Variants in ADAMTS14 observed in about 807,000 individuals in gnomAD.
ADAMTS14 encodes the protein ADAM metallopeptidase with thrombospondin type 1 motif 14, also known as A disintegrin and metalloproteinase with thrombospondin motifs 14.
Under a neutral mutation model 128.6 loss-of-function variants are expected in ADAMTS14, and 100 were observed. That is an observed-to-expected ratio of 0.78 (90% CI 0.66 to 0.92). ADAMTS14 has a LOEUF of 0.92. Ranked by LOEUF, ADAMTS14 falls within the 40% of genes least tolerant of loss-of-function variation. The pLI, the probability that ADAMTS14 is intolerant of heterozygous loss-of-function variation, is 0.00. For missense variants in ADAMTS14, 1,562 were observed against 1,658.6 expected (o/e 0.94, Z 1.01); for synonymous variants, 665 against 653.8 (o/e 1.02, Z -0.26).
intron 14 of ADAMTS14, among the ~76,000 whole-genome samples, chr10:70,744,480 G>A (rs1005478950): frequency 2.6e-5 from 4 of 152,348 alleles, no homozygotes; most frequent in Non-Finnish European, 5.9e-5. Flanking sequence ...TGGACCTTGG[G>A]ACTATTGGTG....
Position 70,674,983 on chromosome 10 carries a change from CTG to C in ADAMTS14, c.513_514del (p.Cys171Ter). On this transcript the variant is annotated frameshift_variant, in exon 2 of 22. Transcript: ENST00000373207. LOFTEE classifies it high-confidence loss of function. ...CTGGGGCAGCTGTTGCCATCAGCAA[CTG>C]TGACGGATTGGTAAGGGATGAGACT... ...MPGAAVAISN[C>X]DGLAGLIRTD... The C allele has an allele frequency of 6.2e-7, 1 of 1,612,364 alleles. No individual in the cohort carries two copies. The highest frequency in any genetic ancestry group is 1.3e-5 in the African/African-American group (1 of 75,046).
intron 4 of ADAMTS14, among the ~76,000 whole-genome samples, chr10:70,713,687 T>C (rs998098858): frequency 1.3e-4 from 19 of 151,856 alleles, no homozygotes; most frequent in African/African-American, 3.4e-4. Flanking sequence ...CCTGTATTAA[T>C]TGCTGTGACT....
chr10:70,729,417 G>C (rs1252873344), intron 5 of ADAMTS14, 40 bp downstream of exon 5: 1 of 1,535,212 alleles, frequency 6.5e-7, no homozygotes, highest in Non-Finnish European at 9.0e-7. Flanking sequence ...GCGGGGAGAA[G>C]GGTTGTGGGG....
intron 12 of ADAMTS14, 93 bp downstream of exon 12, chr10:70,741,255 C>T: frequency 1.4e-6 from 2 of 1,433,836 alleles, no homozygotes; most frequent in Non-Finnish European, 1.9e-6. Context: ...CTACATACAC[C>T]AGTGAAGGTG....
At chr10:70,707,548 A>G (rs148188735) in intron 3 of ADAMTS14, among the ~76,000 whole-genome samples, 165 of 152,264 alleles carry the variant, frequency 1.1e-3, no homozygotes, top group African/African-American at 3.9e-3. Flanking sequence ...AGTGTATTCT[A>G]TCTTCATTCA....
In ADAMTS14 at chr10:70,733,746, G is replaced by T. The variant is rs1347666884; in HGVS notation, c.1209-139G>T. On this transcript the variant is annotated intron_variant, in intron 7 of 21. Coordinates refer to ENST00000373207, the MANE Select transcript of ADAMTS14 (RefSeq NM_080722.4). ...GAAGATTGGTCCTCCCCACTACGTG[G>T]TTGGAAAACTGAGGCCAGGAAGAGC... is the stretch of plus-strand genomic sequence containing the variant. 1.2e-5 allele frequency: 13 copies of T among 1,113,432 alleles called. No homozygotes were observed. In the Admixed American group the frequency reaches 3.6e-4, roughly 31 times the overall value. The allele number at this position is 1,113,432 out of a possible 1,614,324, so 69.0% of individuals were successfully genotyped here.
chr10:70,752,044 C>A, intron 17 of ADAMTS14, 51 bp from the exon 18 acceptor site: 2 of 1,575,670 alleles, frequency 1.3e-6, no homozygotes, highest in Non-Finnish European at 1.7e-6. Flanking sequence ...CCCACCAGGG[C>A]AATGGGGGGC....
chr10:70,738,786 G>T, intron 10 of ADAMTS14, 56 bp from the exon 11 acceptor site: 1 of 1,609,774 alleles, frequency 6.2e-7, no homozygotes. Flanking sequence ...CTGGCTCCCC[G>T]GGTGGGCTCA....
rs570666277 is a variant in ADAMTS14, at chr10:70,702,241, G to A, written c.523-71G>A. ...CACATATGTGCATTCACAGATGCTC[G>A]CCTGTCGGCTGTACTGTGTGTTCAT... On this transcript the variant is annotated intron_variant, in intron 2 of 21. Coordinates refer to ENST00000373207, the MANE Select transcript of ADAMTS14 (RefSeq NM_080722.4). The A allele has an allele frequency of 3.6e-5, 58 of 1,599,714 alleles. 1 individual carries two copies. The South Asian group carries it at 3.8e-4, about 11-fold the overall frequency.
At chr10:70,754,050 G>A in intron 19 of ADAMTS14, 43 bp downstream of exon 19, 1 of 1,467,466 alleles carries the variant, frequency 6.8e-7, no homozygotes, top group African/African-American at 1.4e-5. Flanking sequence ...GGGAGGAGGT[G>A]GGTCTGAGGG....
chr10:70,742,031 A>C (rs1466339572), intron 12 of ADAMTS14, among the ~76,000 whole-genome samples: 1 of 152,048 alleles, frequency 6.6e-6, no homozygotes, highest in Non-Finnish European at 1.5e-5. Context: ...CCTGGGCTCC[A>C]CCCCAGAACT....
intron 11 of ADAMTS14, among the ~76,000 whole-genome samples, chr10:70,739,504 A>T (rs544917839): frequency 6.6e-6 from 1 of 151,650 alleles, no homozygotes; most frequent in African/African-American, 2.4e-5. Flanking sequence ...CATCCCCTCT[A>T]TAGGGACCTT....
intron 19 of ADAMTS14, among the ~76,000 whole-genome samples, chr10:70,754,542 A>G (rs1448314807): frequency 6.6e-6 from 1 of 152,028 alleles, no homozygotes; most frequent in Non-Finnish European, 1.5e-5. Context: ...TCAAGCTGAG[A>G]CCAGAGGGAC....
chr10:70,677,468 G>T (rs547757648), intron 2 of ADAMTS14, among the ~76,000 whole-genome samples: 1 of 152,298 alleles, frequency 6.6e-6, no homozygotes, highest in East Asian at 1.9e-4. Flanking sequence ...TGTGGCATTT[G>T]CTGAAGCCGG....
rs572144138 is a variant in ADAMTS14, at chr10:70,753,373, T to C, written c.2730-427T>C. Among the ~76,000 whole-genome samples, 567 of 152,198 alleles carry C rather than the reference T, an allele frequency of 3.7e-3. 3 individuals are homozygous for C. Among genetic ancestry groups the C allele is most frequent in the Non-Finnish European group, 6.6e-3 (450 of 68,008 alleles). ...CTTGTCCCAGGAGCCCCATGGGAAA[T>C]TGGGGGATCTGCCTTGAAAGTGTGG... On this transcript the variant is annotated intron_variant, in intron 18 of 21. Transcript: ENST00000373207.
At chr10:70,674,472 C>G (rs1388202214) in intron 1 of ADAMTS14, 84 bp from the exon 2 acceptor site, 2 of 1,398,078 alleles carry the variant, frequency 1.4e-6, no homozygotes, top group African/African-American at 1.4e-5. Flanking sequence ...GAGTTCCTAT[C>G]CCTCCCTGCC....
intron 4 of ADAMTS14, among the ~76,000 whole-genome samples, chr10:70,710,670 T>C (rs888339007): frequency 2.6e-5 from 4 of 152,096 alleles, no homozygotes; most frequent in Non-Finnish European, 5.9e-5. Context: ...TGGGGGCGAG[T>C]TACGAACCCT....
At chr10:70,704,377 C>A (rs1005239188) in intron 3 of ADAMTS14, among the ~76,000 whole-genome samples, 1 of 152,024 alleles carries the variant, frequency 6.6e-6, no homozygotes, top group Non-Finnish European at 1.5e-5. Flanking sequence ...CACACTGACA[C>A]CCACACTCAC....
Position 70,735,218 on chromosome 10 carries a change from C to A in ADAMTS14, c.1402C>A (p.Pro468Thr). ...CCCCTTTGATCCTGCCTGGCCCCAG[C>A]CCCCAGAGCTGCCTGGGATCAACTA... ...DDPFDPAWPQ[P>T]PELPGINYSM... The change falls in exon 9 of 22, where the codon CCC (proline) becomes ACC (threonine). Residue 468 changes from proline to threonine, a missense_variant. Physicochemically the swap from Pro to Thr is conservative, Grantham distance 38. Coordinates refer to ENST00000373207, the MANE Select transcript of ADAMTS14 (RefSeq NM_080722.4). 6.2e-7 allele frequency: 1 copy of A among 1,613,814 alleles called. No homozygotes were observed. The highest frequency in any genetic ancestry group is 1.3e-5 in the African/African-American group (1 of 75,066).
Sources: allele counts gnomAD v4.1 joint callset (sites outside exome capture counted in the v4.1 genomes callset), GRCh38; gene constraint gnomAD v4.1.1; transcripts MANE v1.5; gene names NCBI Gene and HGNC (gene_info 2026-07-23, HGNC 2026-07-21).